Variants in ZFYVE28 observed in about 807,000 individuals in gnomAD.
ZFYVE28 encodes lateral signaling target protein 2 homolog.
Under a neutral mutation model 82.1 loss-of-function variants are expected in ZFYVE28, and 40 were observed. The observed-to-expected ratio is 0.49, with a 90% CI of 0.38 to 0.63. ZFYVE28 has a LOEUF of 0.63. Ranked by LOEUF, ZFYVE28 falls within the 30% of genes least tolerant of loss-of-function variation. The probability of loss-of-function intolerance (pLI) is 0.00; values close to 1 mark genes in which losing one functional copy is unlikely to be tolerated. For synonymous variants in ZFYVE28, 612 were observed against 546.1 expected (o/e 1.12, Z -1.68); for missense variants, 1,321 against 1,242.1 (o/e 1.06, Z -0.96).
chr4:2,409,691 TG>T lies in ZFYVE28; in HGVS notation c.39+8593del, dbSNP rs1560357337. On this transcript the variant is annotated intron_variant, in intron 1 of 12. Coordinates refer to ENST00000290974, the MANE Select transcript of ZFYVE28 (RefSeq NM_020972.3). The surrounding 1 kb of genome is among the most constrained non-coding windows in gnomAD (Gnocchi z 4.4). ...AAGGCTGAGTCCAGTACACCCACGG[TG>T]GGGTGGGGGGGCTGACCCCTGCGGG... Among the ~76,000 whole-genome samples the T allele has an allele frequency of 6.6e-6, 1 of 152,118 alleles. No homozygotes were observed. The highest frequency in any genetic ancestry group is 2.4e-5 in the African/African-American group (1 of 41,432).
chr4:2,356,066 G>T (rs1038583784), intron 1 of ZFYVE28, among the ~76,000 whole-genome samples: 2 of 152,152 alleles, frequency 1.3e-5, no homozygotes, highest in Non-Finnish European at 2.9e-5. Flanking sequence ...CTTGGCCAGG[G>T]TCACTTTGTC....
chr4:2,326,288 C>T (rs1459751699), intron 6 of ZFYVE28, among the ~76,000 whole-genome samples: 1 of 152,158 alleles, frequency 6.6e-6, no homozygotes, highest in Admixed American at 6.5e-5. Context: ...ATTCAGATTT[C>T]CCAACACCAT....
In ZFYVE28 at chr4:2,367,664, A is replaced by C. The variant is rs372707077; in HGVS notation, c.40-13591T>G. On this transcript the variant is annotated intron_variant, in intron 1 of 12. Coordinates refer to ENST00000290974, the MANE Select transcript of ZFYVE28 (RefSeq NM_020972.3). Reference sequence around the variant, plus strand: ...AGGTTGTGGGCCAAGAGAACCCCACAGTGGGCAGTGGGGCCACAACAGCCG... The same window carrying C: ...AGGTTGTGGGCCAAGAGAACCCCACCGTGGGCAGTGGGGCCACAACAGCCG... Among the ~76,000 whole-genome samples, 44 of 152,348 alleles carry C rather than the reference A, an allele frequency of 2.9e-4. No homozygotes were observed. In the South Asian group the frequency reaches 8.5e-3, roughly 29 times the overall value.
At chr4:2,391,861 G>A (rs865815821) in intron 1 of ZFYVE28, among the ~76,000 whole-genome samples, 9 of 150,574 alleles carry the variant, frequency 6.0e-5, no homozygotes, top group Non-Finnish European at 1.3e-4. Context: ...TCAGGCTCCC[G>A]AGTAGCTGGG....
At chr4:2,337,162 A>G (rs1721954500) in intron 5 of ZFYVE28, among the ~76,000 whole-genome samples, 1 of 152,048 alleles carries the variant, frequency 6.6e-6, no homozygotes, top group African/African-American at 2.4e-5. Context: ...CTTCTGGCAG[A>G]CAGAAAAGCG....
At position 2,341,315 on chromosome 4, in the gene ZFYVE28, G is replaced by A. The variant is rs755991407; in HGVS notation, c.318+163C>T. On this transcript the variant is annotated intron_variant, in intron 3 of 12. Transcript: ENST00000290974. The surrounding 1 kb of genome is among the most constrained non-coding windows in gnomAD (Gnocchi z 4.5). ...TTTCCCAGATCCTCCAGGGGTGCAC[G>A]GCCTACCAGGCTCAGACCACACCAC... is the stretch of plus-strand genomic sequence containing the variant. 1.9e-4 allele frequency: 179 copies of A among 922,604 alleles called. No homozygotes were observed. The highest frequency in any genetic ancestry group is 2.6e-4 in the Non-Finnish European group (161 of 614,606). The allele number at this position is 922,604 out of a possible 1,614,324, so 57.2% of individuals were successfully genotyped here.
intron 1 of ZFYVE28, among the ~76,000 whole-genome samples, chr4:2,384,228 G>A (rs182483327): frequency 2.6e-5 from 4 of 152,296 alleles, no homozygotes; most frequent in South Asian, 2.1e-4. Flanking sequence ...CTGAGGAACC[G>A]AGACTGCACT....
chr4:2,288,716 G>A (rs879869106), intron 8 of ZFYVE28, among the ~76,000 whole-genome samples: 2 of 152,242 alleles, frequency 1.3e-5, no homozygotes, highest in Non-Finnish European at 2.9e-5. Context: ...AATGGCTCAC[G>A]CCTTTAATCC....
intron 1 of ZFYVE28, among the ~76,000 whole-genome samples, chr4:2,377,229 G>A (rs1728251018): frequency 6.6e-6 from 1 of 152,088 alleles, no homozygotes; most frequent in Non-Finnish European, 1.5e-5. Flanking sequence ...TGCCGTGTTA[G>A]CCAGGATGGT....
chr4:2,353,054 A>G (rs1245033094), intron 2 of ZFYVE28, among the ~76,000 whole-genome samples: 1 of 152,160 alleles, frequency 6.6e-6, no homozygotes, highest in Non-Finnish European at 1.5e-5. Flanking sequence ...GGGCCAGAAC[A>G]TCTGTGGGAA....
rs1159089022 is a variant in ZFYVE28, at chr4:2,339,931, G to A, written c.319-276C>T. Among the ~76,000 whole-genome samples the A allele has an allele frequency of 6.7e-6, 1 of 149,816 alleles. No individual in the cohort carries two copies. The highest frequency in any genetic ancestry group is 1.5e-5 in the Non-Finnish European group (1 of 66,700). On this transcript the variant is annotated intron_variant, in intron 3 of 12. Transcript: ENST00000290974. This position sits in a 1 kb window ranked among gnomAD's most constrained non-coding sequence, Gnocchi z 5.0. ...GCAGGGCAGGTAAGGGCAGGGGAGG[G>A]GAGGGCAGGGGAGGGGAGGGGAGGG...
chr4:2,367,340 C>T (rs1406835542), intron 1 of ZFYVE28, among the ~76,000 whole-genome samples: 1 of 151,406 alleles, frequency 6.6e-6, no homozygotes, highest in East Asian at 1.9e-4. Context: ...ACTGTGCTAG[C>T]AGGGTGCCCC....
chr4:2,411,802 G>A (rs1489094101), intron 1 of ZFYVE28, among the ~76,000 whole-genome samples: 9 of 152,196 alleles, frequency 5.9e-5, no homozygotes, highest in African/African-American at 1.4e-4. Flanking sequence ...TCACAGTGCA[G>A]CACAAGTGCA....
At chr4:2,340,086 A>G (rs923426294) in intron 3 of ZFYVE28, among the ~76,000 whole-genome samples, 2 of 152,114 alleles carry the variant, frequency 1.3e-5, no homozygotes, top group African/African-American at 4.8e-5. Context: ...AGGCTCCACA[A>G]TCAGGTCTGT....
At chr4:2,383,559 C>T (rs768370507) in intron 1 of ZFYVE28, among the ~76,000 whole-genome samples, 4 of 152,196 alleles carry the variant, frequency 2.6e-5, no homozygotes, top group Non-Finnish European at 5.9e-5. Flanking sequence ...GCGCACTTAT[C>T]CCAATGCCCA....
intron 1 of ZFYVE28, among the ~76,000 whole-genome samples, chr4:2,360,156 A>C (rs1222392754): frequency 6.6e-6 from 1 of 151,948 alleles, no homozygotes; most frequent in Non-Finnish European, 1.5e-5. Context: ...CAGCGTGTCC[A>C]AAGCCATTGC....
Position 2,371,405 on chromosome 4 carries a change from G to C in ZFYVE28, c.40-17332C>G, listed in dbSNP as rs554926918. Among the ~76,000 whole-genome samples, 55 of 152,338 alleles carry C rather than the reference G, an allele frequency of 3.6e-4. 1 individual carries two copies. The South Asian group carries it at 0.011, about 32-fold the overall frequency. On this transcript the variant is annotated intron_variant, in intron 1 of 12. Transcript: ENST00000290974. ...ACGATTCCATCATTCTTTAAAAATA[G>C]CTGTCCTAAAGGAACGCCTGCTCTC...
chr4:2,327,311 G>T lies in ZFYVE28; in HGVS notation c.702-7040C>A, dbSNP rs571080157. ...ATATATATATATATATATATATATCGAATAAAGTTGCCATCAAACAGTAAC... is the reference window on the plus strand; with the variant it reads ...ATATATATATATATATATATATATCTAATAAAGTTGCCATCAAACAGTAAC... On this transcript the variant is annotated intron_variant, in intron 6 of 12. Coordinates refer to ENST00000290974, the MANE Select transcript of ZFYVE28 (RefSeq NM_020972.3). 3.6e-4 allele frequency among the ~76,000 whole-genome samples: 24 copies of T among 66,554 alleles called. 1 individual carries two copies. The highest frequency in any genetic ancestry group is 7.4e-4 in the African/African-American group (13 of 17,574). The allele number at this position is 66,554 out of a possible 152,430, so 43.7% of individuals were successfully genotyped here.
intron 6 of ZFYVE28, among the ~76,000 whole-genome samples, chr4:2,327,165 G>A (rs528840617): frequency 4.0e-5 from 6 of 150,370 alleles, no homozygotes; most frequent in East Asian, 2.0e-4. Flanking sequence ...CAGGAGAATC[G>A]CTTGAACCCA....
Sources: allele counts gnomAD v4.1 joint callset (sites outside exome capture counted in the v4.1 genomes callset), GRCh38; gene constraint gnomAD v4.1.1; non-coding constraint Gnocchi (gnomAD v3.1); transcripts MANE v1.5; gene names NCBI Gene and HGNC (gene_info 2026-07-23, HGNC 2026-07-21).